Variants in OXSR1 observed in about 807,000 individuals in gnomAD.
The protein encoded by OXSR1 is serine/threonine-protein kinase OSR1.
In OXSR1, 24 loss-of-function variants were observed where a neutral mutation model predicts 79.8. That is an observed-to-expected ratio of 0.30 (90% CI 0.22 to 0.42). The LOEUF (loss-of-function observed/expected upper bound fraction) is 0.42. Among genes scored for constraint, OXSR1 ranks in the 10% least tolerant of loss-of-function variants. The probability of loss-of-function intolerance (pLI) is 1.00; values close to 1 mark genes in which losing one functional copy is unlikely to be tolerated. For synonymous variants in OXSR1, 226 were observed against 209.2 expected (o/e 1.08, Z -0.69); for missense variants, 430 against 618.4 (o/e 0.70, Z 3.23).
In OXSR1 at chr3:38,165,648, G is replaced by C. The variant is rs35995261; in HGVS notation, c.-229G>C. 7.4e-4 allele frequency: 388 copies of C among 525,636 alleles called. 2 individuals carry two copies. In the East Asian group the frequency reaches 0.012, roughly 16 times the overall value. 32.6% of individuals were successfully genotyped at this position (525,636 alleles called of 1,614,324 possible). A position where few individuals can be genotyped will look rare whatever the true frequency, so the allele number is the denominator to read the frequency against. On this transcript the variant is annotated 5_prime_UTR_variant, in exon 1 of 18. Coordinates refer to ENST00000311806, the MANE Select transcript of OXSR1 (RefSeq NM_005109.3). The stretch of plus-strand genomic sequence containing the variant: ...GACAGGACGTGGGCTGGGCCGGGCA[G>C]TGCCGGACTCGGAGGAGCAGGAGGC...
At position 38,198,764 on chromosome 3, in the gene OXSR1, A is replaced by T; in HGVS notation, c.335A>T (p.Glu112Val). Residue 112 changes from glutamate (E) to valine (V), a missense_variant, in exon 4 of 18, where the codon GAA becomes GTA. By Grantham distance (121) the Glu-to-Val change is moderately radical (BLOSUM62 -2). Around this residue, in one of 3 missense-constraint regions of OXSR1, gnomAD observed 145 missense variants for 228.3 expected, o/e 0.64. Coordinates refer to ENST00000311806, the MANE Select transcript of OXSR1 (RefSeq NM_005109.3). ...ATTAAGCACATTGTGGCAAAAGGGG[A>T]ACACAAAAGTGGAGTCCTAGATGAA... Reference protein sequence around the residue: ...DIIKHIVAKGEHKSGVLDEST... With the variant: ...DIIKHIVAKGVHKSGVLDEST... 1 of 1,613,200 alleles carries T rather than the reference A, an allele frequency of 6.2e-7. No homozygotes were observed.
intron 16 of OXSR1, among the ~76,000 whole-genome samples, 153 bp downstream of exon 16, chr3:38,251,624 TAC>T (rs1032665567): frequency 1.3e-5 from 2 of 152,134 alleles, no homozygotes; most frequent in Admixed American, 6.6e-5. Flanking sequence ...GACAGTTCCT[TAC>T]ACACACACAA....
At chr3:38,171,851 ATG>A (rs1701588691) in intron 1 of OXSR1, among the ~76,000 whole-genome samples, 1 of 152,198 alleles carries the variant, frequency 6.6e-6, no homozygotes, top group African/African-American at 2.4e-5. Flanking sequence ...TGTATTTGGC[ATG>A]TGTTGAAGCA....
chr3:38,222,872 G>T (rs568939113), intron 6 of OXSR1, among the ~76,000 whole-genome samples: 1 of 152,028 alleles, frequency 6.6e-6, no homozygotes, highest in Non-Finnish European at 1.5e-5. Context: ...GTTTCAGGAC[G>T]TATGAGCAAT....
intron 15 of OXSR1, 128 bp from the exon 16 acceptor site, chr3:38,251,275 T>C: frequency 1.4e-6 from 1 of 729,880 alleles, no homozygotes; most frequent in Non-Finnish European, 2.5e-6. Context: ...CCTGCCTGCC[T>C]TCTTGGTTCT....
rs377490582 is a variant in OXSR1, at chr3:38,186,787, A to T, written c.183+3672A>T. 2.6e-5 allele frequency among the ~76,000 whole-genome samples: 4 copies of T among 152,194 alleles called. No individual in the cohort carries two copies. The East Asian group carries it at 7.7e-4, about 29-fold the overall frequency. ...GATGAACATCTGTGTGCAAGTCTTC[A>T]TATGTACATTTGTGTTTTATTATCT... On this transcript the variant is annotated intron_variant, in intron 2 of 17. Transcript: ENST00000311806.
intron 10 of OXSR1, 34 bp downstream of exon 10, chr3:38,230,464 A>AT: frequency 7.2e-7 from 1 of 1,398,460 alleles, no homozygotes; most frequent in Non-Finnish European, 1.0e-6. Context: ...TTCCTGAAGA[A>AT]TTTACTTTAT....
chr3:38,240,519 G>A (rs1042119979), intron 11 of OXSR1, among the ~76,000 whole-genome samples: 3 of 152,040 alleles, frequency 2.0e-5, no homozygotes, highest in South Asian at 2.1e-4. Context: ...CCACTGAATG[G>A]CCTGAAAGCA....
In OXSR1 at chr3:38,215,988, C is replaced by T. The variant is rs577228979; in HGVS notation, c.435-108C>T. 7.3e-5 allele frequency: 51 copies of T among 695,274 alleles called. No homozygotes were observed. The Admixed American group carries it at 9.0e-4, about 12-fold the overall frequency. 43.1% of individuals were successfully genotyped at this position (695,274 alleles called of 1,614,324 possible). A position where few individuals can be genotyped will look rare whatever the true frequency, so the allele number is the denominator to read the frequency against. On this transcript the variant is annotated intron_variant, in intron 4 of 17. Transcript: ENST00000311806. The stretch of plus-strand genomic sequence containing the variant: ...TAATATCCTTTAATATAAAATAGGA[C>T]ATTTAAATATTGCTAGTATTACATG...
intron 3 of OXSR1, among the ~76,000 whole-genome samples, chr3:38,191,455 G>C (rs1037823839): frequency 4.0e-5 from 6 of 151,692 alleles, no homozygotes; most frequent in African/African-American, 1.5e-4. Flanking sequence ...TTATCTTGTA[G>C]AATATGCCAT....
chr3:38,248,706 A>G (rs548740519), intron 14 of OXSR1, among the ~76,000 whole-genome samples: 48 of 152,248 alleles, frequency 3.2e-4, no homozygotes, highest in Non-Finnish European at 4.9e-4. Context: ...TGTGAAAAAC[A>G]TATTTGGTTA....
intron 6 of OXSR1, among the ~76,000 whole-genome samples, 175 bp from the exon 7 acceptor site, chr3:38,223,637 A>G (rs1183329112): frequency 6.7e-6 from 1 of 149,634 alleles, no homozygotes; most frequent in Non-Finnish European, 1.5e-5. Flanking sequence ...TTTAGTAGTG[A>G]TGGAGTTTCT....
chr3:38,203,353 A>G (rs1702203653), intron 4 of OXSR1, among the ~76,000 whole-genome samples: 1 of 152,032 alleles, frequency 6.6e-6, no homozygotes, highest in East Asian at 1.9e-4. Context: ...GTTCCGGGCC[A>G]CTACTGGTCT....
chr3:38,168,475 C>G (rs972602820), intron 1 of OXSR1, among the ~76,000 whole-genome samples: 6 of 151,970 alleles, frequency 3.9e-5, no homozygotes, highest in Non-Finnish European at 8.8e-5. Flanking sequence ...TTGGTTTCTT[C>G]CACTTAGCAT....
intron 2 of OXSR1, among the ~76,000 whole-genome samples, chr3:38,188,774 A>C (rs553602278): frequency 1.3e-5 from 2 of 152,326 alleles, no homozygotes; most frequent in South Asian, 4.1e-4. Flanking sequence ...GTGTTAATGC[A>C]GGAAACTTCC....
At chr3:38,199,365 G>A (rs773288519) in intron 4 of OXSR1, among the ~76,000 whole-genome samples, 2 of 151,036 alleles carry the variant, frequency 1.3e-5, no homozygotes, top group Non-Finnish European at 2.9e-5. Context: ...CTGGGCTCAA[G>A]TGATCCTCCC....
chr3:38,214,616 A>G (rs1483935683), intron 4 of OXSR1, among the ~76,000 whole-genome samples: 1 of 152,238 alleles, frequency 6.6e-6, no homozygotes, highest in Admixed American at 6.5e-5. Flanking sequence ...TCCTGTTTGT[A>G]GTGACTAGAA....
At chr3:38,179,267 C>T (rs1054730609) in intron 1 of OXSR1, among the ~76,000 whole-genome samples, 35 of 152,026 alleles carry the variant, frequency 2.3e-4, no homozygotes, top group East Asian at 3.9e-4. Context: ...TGGGCTCAAG[C>T]GATCCATCCA....
chr3:38,169,292 GTTGTTTTTTTTT>G (rs1701528575), intron 1 of OXSR1, among the ~76,000 whole-genome samples: 1 of 151,310 alleles, frequency 6.6e-6, no homozygotes, highest in Non-Finnish European at 1.5e-5. Context: ...TGCCCATTGG[GTTGTTTTTTTTT>G]TTGTTTGTTT....
Sources: allele counts gnomAD v4.1 joint callset (sites outside exome capture counted in the v4.1 genomes callset), GRCh38; gene constraint gnomAD v4.1.1; regional missense constraint gnomAD v4.1.1; transcripts MANE v1.5; gene names NCBI Gene and HGNC (gene_info 2026-07-23, HGNC 2026-07-21).